ZNF263: variants seen among roughly 807,000 people sequenced by gnomAD.
The protein encoded by ZNF263 is zinc finger protein FPM315.
In ZNF263, 49 loss-of-function variants were observed where a neutral mutation model predicts 63.1. The observed-to-expected ratio is 0.78, with a 90% CI of 0.62 to 0.99. The LOEUF (loss-of-function observed/expected upper bound fraction) is 0.99, where lower values mean the gene tolerates loss of function less well. Among genes scored for constraint, ZNF263 ranks in the 50% least tolerant of loss-of-function variants. The probability of loss-of-function intolerance (pLI) is 0.00; values close to 1 mark genes in which losing one functional copy is unlikely to be tolerated. For missense variants in ZNF263, 872 were observed against 854.8 expected (o/e 1.02, Z -0.25); for synonymous variants, 352 against 324.2 (o/e 1.09, Z -0.92).
intron 2 of ZNF263, chr16:3,300,340 C>T (rs781399056): frequency 6.2e-6 from 10 of 1,614,244 alleles, no homozygotes; most frequent in Middle Eastern, 1.6e-4. Flanking sequence ...ACCGGCTGAG[C>T]GTTTCTGTTG....
At chr16:3,300,777 T>C in intron 2 of ZNF263, 1 of 1,248,844 alleles carries the variant, frequency 8.0e-7, no homozygotes, top group Non-Finnish European at 1.1e-6. Context: ...TAACCATGAC[T>C]GAAGAGCTAG....
In ZNF263 at chr16:3,284,154, G is replaced by T; in HGVS notation, c.336G>T (p.Ala112=). The change falls in exon 1 of 6, where the codon GCG becomes GCT. Residue 112 remains alanine, a synonymous_variant. Coordinates refer to ENST00000219069, the MANE Select transcript of ZNF263 (RefSeq NM_005741.5). ...TGCATCCGGAGAGCGGCGAAGAAGC[G>T]GTGACCCTTGTGGAGGATATGCAGA... The part of the protein sequence containing the change: ...QELHPESGEE[A]VTLVEDMQRE... The T allele has an allele frequency of 1.3e-6, 2 of 1,596,000 alleles. No individual in the cohort carries two copies. Among genetic ancestry groups the T allele is most frequent in the Non-Finnish European group, 1.7e-6 (2 of 1,170,190 alleles).
chr16:3,295,672 CT>C (rs1485623733), downstream of ZNF263, among the ~76,000 whole-genome samples: 1 of 152,232 alleles, frequency 6.6e-6, no homozygotes, highest in African/African-American at 2.4e-5. Flanking sequence ...CGAGGCTCCC[CT>C]TTTTGTTTTA....
chr16:3,290,545 C>G lies in ZNF263; in HGVS notation c.2039C>G (p.Thr680Ser), dbSNP rs768516356. Residue 680 changes from threonine (T) to serine (S), a missense_variant, in exon 6 of 6, where the codon ACT becomes AGT. By Grantham distance (58) the Thr-to-Ser change is moderately conservative. Transcript: ENST00000219069. ...TCCCGTCTTATGAGTCATCAGAGAA[C>G]TCACACAGGTTAGTAACAGTGGGGT... Reference protein sequence around the residue: ...RSSRLMSHQRTHTG With the variant: ...RSSRLMSHQRSHTG 9 of 1,610,736 alleles carry G rather than the reference C, an allele frequency of 5.6e-6. No homozygotes were observed. Among genetic ancestry groups the G allele is most frequent in the Non-Finnish European group, 7.6e-6 (9 of 1,178,330 alleles).
chr16:3,290,618 A>G lies in ZNF263; in HGVS notation c.*60A>G. ...GGCATATTCAGAGGAGCCTGTTGGCAAGAGCTGGTATTCCCTGCCCAGCCG... is the reference window on the plus strand; with the variant it reads ...GGCATATTCAGAGGAGCCTGTTGGCGAGAGCTGGTATTCCCTGCCCAGCCG... On this transcript the variant is annotated 3_prime_UTR_variant, in exon 6 of 6. Coordinates refer to ENST00000219069, the MANE Select transcript of ZNF263 (RefSeq NM_005741.5). The G allele has an allele frequency of 6.5e-7, 1 of 1,527,870 alleles. No homozygotes were observed. The highest frequency in any genetic ancestry group is 8.7e-7 in the Non-Finnish European group (1 of 1,144,476). 94.6% of individuals were successfully genotyped at this position (1,527,870 alleles called of 1,614,324 possible).
intron 3 of ZNF263, 107 bp from the exon 4 acceptor site, chr16:3,285,916 C>G: frequency 6.3e-7 from 1 of 1,587,562 alleles, no homozygotes; most frequent in Non-Finnish European, 8.6e-7. Flanking sequence ...CCCTTCTTCC[C>G]CCCTGACATG....
downstream of ZNF263, among the ~76,000 whole-genome samples, chr16:3,295,133 TG>T (rs796111168): frequency 2.0e-4 from 31 of 152,272 alleles, no homozygotes; most frequent in African/African-American, 7.5e-4. Flanking sequence ...TTTTCAGGCT[TG>T]GGCAAAGCAG....
Position 3,285,724 on chromosome 16 carries a change from C to T in ZNF263, c.612C>T (p.Asn204=). The change falls in exon 3 of 6, where the codon AAC becomes AAT. Residue 204 remains asparagine (N), a synonymous_variant. Coordinates refer to ENST00000219069, the MANE Select transcript of ZNF263 (RefSeq NM_005741.5). ...PWLSLFPPEG[N]MEDKEMTGPQ... ...TTTCTCTTTTTCCTCCTGAAGGGAA[C>T]ATGGAAGACAAGGAGATGACTGGGC... 1 of 1,614,160 alleles carries T rather than the reference C, an allele frequency of 6.2e-7. No homozygotes were observed. Among genetic ancestry groups the T allele is most frequent in the Non-Finnish European group, 8.5e-7 (1 of 1,180,044 alleles).
intron 2 of ZNF263, among the ~76,000 whole-genome samples, 167 bp from the exon 3 acceptor site, chr16:3,285,514 C>T (rs183087480): frequency 1.8e-4 from 27 of 152,154 alleles, no homozygotes; most frequent in Admixed American, 1.2e-3. Context: ...GTACTCCTTC[C>T]CTCTCACCCT....
intron 4 of ZNF263, among the ~76,000 whole-genome samples, chr16:3,287,717 C>T (rs1413725585): frequency 6.6e-6 from 1 of 152,062 alleles, no homozygotes; most frequent in Non-Finnish European, 1.5e-5. Context: ...GTTTTAATCT[C>T]ATGGTCCTCT....
At chr16:3,286,290 G>C in intron 4 of ZNF263, 141 bp downstream of exon 4, 21 of 1,272,298 alleles carry the variant, frequency 1.7e-5, no homozygotes, top group Non-Finnish European at 2.1e-5. Flanking sequence ...AAAGTCCCCT[G>C]TACGAGAGTC....
intron 4 of ZNF263, among the ~76,000 whole-genome samples, chr16:3,288,228 G>A (rs530278315): frequency 6.6e-6 from 1 of 151,624 alleles, no homozygotes; most frequent in East Asian, 1.9e-4. Flanking sequence ...CTCCAGCCTG[G>A]GCGACAGAGT....
rs775519399 is a variant in ZNF263, at chr16:3,285,074, C to G, written c.403C>G (p.Arg135Gly). The G allele has an allele frequency of 6.2e-7, 1 of 1,614,112 alleles. No individual in the cohort carries two copies. Among genetic ancestry groups the G allele is most frequent in the South Asian group, 1.1e-5 (1 of 91,084 alleles). ...RLRQQVTNHG[R>G]GTEVLLEEPL... ...TGGTTCCCAGGTCACAAACCATGGG[C>G]GGGGAACAGAAGTGCTTTTGGAGGA... The change falls in exon 2 of 6, where the codon CGG becomes GGG. Residue 135 changes from arginine to glycine, a missense_variant. Physicochemically the swap from Arg to Gly is moderately radical, Grantham distance 125. Coordinates refer to ENST00000219069, the MANE Select transcript of ZNF263 (RefSeq NM_005741.5).
chr16:3,295,736 CAGAAAAGGA>C (rs1433896692), downstream of ZNF263, among the ~76,000 whole-genome samples: 2 of 152,216 alleles, frequency 1.3e-5, no homozygotes, highest in Non-Finnish European at 2.9e-5. Flanking sequence ...GGAGAGGGGA[CAGAAAAGGA>C]AGGCAGGGCA....
chr16:3,284,030 G>A lies in ZNF263; in HGVS notation c.212G>A (p.Arg71Gln). ...RLQELCHGWL[R>Q]PEMRTKEQIL... Reference sequence around the variant, plus strand: ...CAAGAGCTTTGCCATGGGTGGCTTCGGCCTGAGATGCGCACGAAGGAGCAG... The same window carrying A: ...CAAGAGCTTTGCCATGGGTGGCTTCAGCCTGAGATGCGCACGAAGGAGCAG... Residue 71 changes from arginine to glutamine, a missense_variant, in exon 1 of 6, where the codon CGG (arginine) becomes CAG (glutamine). Transcript: ENST00000219069. 2 of 1,613,846 alleles carry A rather than the reference G, an allele frequency of 1.2e-6. No homozygotes were observed. Among genetic ancestry groups the A allele is most frequent in the East Asian group, 2.2e-5 (1 of 44,872 alleles).
At chr16:3,293,957 G>A (rs1166504464), downstream of ZNF263, among the ~76,000 whole-genome samples, 6 of 152,286 alleles carry the variant, frequency 3.9e-5, no homozygotes, top group African/African-American at 1.2e-4. Context: ...ACGGAGTCTC[G>A]CTCTGTCACC....
At chr16:3,295,925 C>T (rs148130346), downstream of ZNF263, among the ~76,000 whole-genome samples, 1 of 152,334 alleles carries the variant, frequency 6.6e-6, no homozygotes, top group Non-Finnish European at 1.5e-5. Context: ...TAGCCTTGAC[C>T]TGTCTTTCCT....
At chr16:3,294,119 GT>G (rs1453764174), downstream of ZNF263, among the ~76,000 whole-genome samples, 1 of 152,190 alleles carries the variant, frequency 6.6e-6, no homozygotes, top group Non-Finnish European at 1.5e-5. Context: ...TAGAGACCGG[GT>G]TTCACCATGT....
At chr16:3,298,364 G>A (rs997343819) in intron 1 of ZNF263, among the ~76,000 whole-genome samples, 1 of 152,170 alleles carries the variant, frequency 6.6e-6, no homozygotes, top group African/African-American at 2.4e-5. Flanking sequence ...AAATGCTAAC[G>A]TATTAGTAAC....
Sources: allele counts gnomAD v4.1 joint callset (sites outside exome capture counted in the v4.1 genomes callset), GRCh38; gene constraint gnomAD v4.1.1; transcripts MANE v1.5; gene names NCBI Gene and HGNC (gene_info 2026-07-23, HGNC 2026-07-21).